The following SLC35D4 variants were observed in gnomAD, a reference collection of about 807,000 sequenced individuals.
SLC35D4 encodes solute carrier family 35 member D4, also known as UDP-N-acetylglucosamine transporter SLC35D4.
the SLC35D4 span, chr18:23,257,587 G>A: frequency 1.6e-5 from 8 of 487,282 alleles, no homozygotes; most frequent in Non-Finnish European, 2.5e-5. Flanking sequence ...GGAAGAGGAG[G>A]TGTGTGCTGA....
the SLC35D4 span, among the ~76,000 whole-genome samples, chr18:23,372,742 C>G: frequency 2.6e-5 from 4 of 152,188 alleles, no homozygotes; most frequent in Admixed American, 1.3e-4. Context: ...CCCTGGCCCC[C>G]CTGTGTGATA....
At chr18:23,306,995 T>C in the SLC35D4 span, among the ~76,000 whole-genome samples, 1 of 152,232 alleles carries the variant, frequency 6.6e-6, no homozygotes, top group Non-Finnish European at 1.5e-5. Flanking sequence ...GTGTGATGTG[T>C]GTGAGGGCTG....
At chr18:23,352,322 G>T in the SLC35D4 span, 7 of 1,575,054 alleles carry the variant, frequency 4.4e-6, no homozygotes, top group Non-Finnish European at 6.0e-6. Context: ...TGTTAGTGAG[G>T]CTTGTCTTCC....
chr18:23,413,761 CTAAAAATAAAAAAATAAAAA>C, the SLC35D4 span, among the ~76,000 whole-genome samples: 1 of 151,246 alleles, frequency 6.6e-6, no homozygotes. Flanking sequence ...CCTGTCTCTA[CTAAAAATAAAAAAATAAAAA>C]TAAAAATAAA....
At chr18:23,248,531 TTTTTTTTA>T in the SLC35D4 span, among the ~76,000 whole-genome samples, 19 of 139,616 alleles carry the variant, frequency 1.4e-4, no homozygotes, top group Non-Finnish European at 2.3e-4. Flanking sequence ...TTTTTTTTTT[TTTTTTTTA>T]AAAAAAGGCT....
the SLC35D4 span, among the ~76,000 whole-genome samples, chr18:23,307,562 A>G: frequency 6.6e-6 from 1 of 152,110 alleles, no homozygotes; most frequent in African/African-American, 2.4e-5. Context: ...AACGAGAGGC[A>G]CATGGTCCTA....
At chr18:23,253,578 C>T in the SLC35D4 span, 19 of 654,704 alleles carry the variant, frequency 2.9e-5, no homozygotes, top group African/African-American at 7.3e-5. Context: ...CCATGCATAA[C>T]GCAGCCTTCA....
At chr18:23,254,438 T>A in the SLC35D4 span, among the ~76,000 whole-genome samples, 3 of 152,186 alleles carry the variant, frequency 2.0e-5, no homozygotes, top group Non-Finnish European at 2.9e-5. Context: ...TGAATGCCTG[T>A]TTTAGAATTC....
the SLC35D4 span, among the ~76,000 whole-genome samples, chr18:23,339,524 C>A: frequency 1.3e-5 from 2 of 152,218 alleles, no homozygotes; most frequent in African/African-American, 4.8e-5. Context: ...GTTATCATCA[C>A]AACGTTTGTG....
chr18:23,299,156 G>C, the SLC35D4 span, among the ~76,000 whole-genome samples: 2 of 152,196 alleles, frequency 1.3e-5, no homozygotes, highest in African/African-American at 4.8e-5. Context: ...GCATTTGTTA[G>C]TCAGGTGATC....
At chr18:23,272,987 C>G in the SLC35D4 span, among the ~76,000 whole-genome samples, 1 of 152,208 alleles carries the variant, frequency 6.6e-6, no homozygotes, top group Non-Finnish European at 1.5e-5. Flanking sequence ...CTTCCTAGCT[C>G]TGAAACACTG....
the SLC35D4 span, among the ~76,000 whole-genome samples, chr18:23,254,175 T>TC: frequency 6.6e-6 from 1 of 152,172 alleles, no homozygotes; most frequent in African/African-American, 2.4e-5. Context: ...CAAAGTCCAT[T>TC]CTCAGACACC....
the SLC35D4 span, among the ~76,000 whole-genome samples, chr18:23,432,075 A>G: frequency 6.6e-6 from 1 of 152,208 alleles, no homozygotes; most frequent in Non-Finnish European, 1.5e-5. Flanking sequence ...TATTTACTAC[A>G]TAATTCAATA....
At chr18:23,345,624 A>G in the SLC35D4 span, among the ~76,000 whole-genome samples, 1 of 152,090 alleles carries the variant, frequency 6.6e-6, no homozygotes, top group East Asian at 1.9e-4. Context: ...TAAATTTTCA[A>G]ATCACATAAT....
chr18:23,280,596 G>A, the SLC35D4 span, among the ~76,000 whole-genome samples: 1 of 152,172 alleles, frequency 6.6e-6, no homozygotes, highest in East Asian at 1.9e-4. Flanking sequence ...GGGGAGAAGA[G>A]GACAGCTGCC....
At chr18:23,352,349 C>G in the SLC35D4 span, 3 of 1,320,234 alleles carry the variant, frequency 2.3e-6, no homozygotes, top group Non-Finnish European at 3.2e-6. Context: ...CAATGGCTGA[C>G]TAGTGTCTGC....
the SLC35D4 span, among the ~76,000 whole-genome samples, chr18:23,246,687 G>A: frequency 4.5e-4 from 68 of 151,252 alleles, 3 homozygotes; most frequent in East Asian, 8.2e-3. Flanking sequence ...CACCGCACCC[G>A]GCCAGTTTTT....
chr18:23,298,097 C>T, the SLC35D4 span: 1 of 1,613,214 alleles, frequency 6.2e-7, no homozygotes. Context: ...GTCAGCTCTC[C>T]ACTCCCCCGG....
chr18:23,361,271 G>A, the SLC35D4 span, among the ~76,000 whole-genome samples: 1 of 152,128 alleles, frequency 6.6e-6, no homozygotes, highest in Non-Finnish European at 1.5e-5. Context: ...TGGAGCAGCA[G>A]GGAACCAGGA....
Sources: allele counts gnomAD v4.1 joint callset (sites outside exome capture counted in the v4.1 genomes callset), GRCh38; gene constraint gnomAD v4.1.1; transcripts MANE v1.5; gene names NCBI Gene and HGNC (gene_info 2026-07-23, HGNC 2026-07-21).